APBA2: variants seen among roughly 807,000 people sequenced by gnomAD.
The protein encoded by APBA2 is amyloid-beta A4 precursor protein-binding family A member 2.
In APBA2, 30 loss-of-function variants were observed where a neutral mutation model predicts 75.0. The observed-to-expected ratio is 0.40, with a 90% CI of 0.30 to 0.54. The LOEUF is 0.54. APBA2 is among the 20% of genes least tolerant of loss of function. The pLI is 0.49. For synonymous variants in APBA2, 444 were observed against 409.6 expected, an observed-to-expected ratio of 1.08 and a Z score of -1.01; for missense variants, 801 against 1,016.1, an observed-to-expected ratio of 0.79 and a Z score of 2.88.
intron 3 of APBA2, among the ~76,000 whole-genome samples, chr15:29,028,162 C>G (rs1310215107): frequency 2.6e-5 from 4 of 151,830 alleles, no homozygotes; most frequent in Non-Finnish European, 4.4e-5. Context: ...CCCGATCCCA[C>G]CCCTGACAGG....
In APBA2 at chr15:28,942,633, C is replaced by T. The variant is rs899229347; in HGVS notation, c.-95+20884C>T. On this transcript the variant is annotated intron_variant, in intron 2 of 14. Coordinates refer to ENST00000683413, the MANE Select transcript of APBA2 (RefSeq NM_001353788.2). ...CAGACTGCCAGGGTCTTCCTGCCAGCGCGGGATCCCCCACTTTCCATTTCC... is the reference window on the plus strand; with the variant it reads ...CAGACTGCCAGGGTCTTCCTGCCAGTGCGGGATCCCCCACTTTCCATTTCC... Among the ~76,000 whole-genome samples, 6 of 152,308 alleles carry T rather than the reference C, an allele frequency of 3.9e-5. No individual in the cohort carries two copies. The East Asian group carries it at 7.7e-4, about 20-fold the overall frequency.
intron 2 of APBA2, among the ~76,000 whole-genome samples, chr15:28,989,777 C>T (rs1382142334): frequency 3.3e-5 from 5 of 152,168 alleles, no homozygotes; most frequent in African/African-American, 9.7e-5. Flanking sequence ...CTCCGCACTC[C>T]CTGGGGTCAG....
At chr15:29,008,650 A>G (rs982132182) in intron 3 of APBA2, among the ~76,000 whole-genome samples, 2 of 152,198 alleles carry the variant, frequency 1.3e-5, no homozygotes, top group Non-Finnish European at 2.9e-5. Context: ...TCGAGGCTGC[A>G]GTGAGCTGTG....
intron 2 of APBA2, among the ~76,000 whole-genome samples, chr15:28,949,824 GT>G (rs1442958866): frequency 6.6e-6 from 1 of 152,154 alleles, no homozygotes; most frequent in African/African-American, 2.4e-5. Context: ...TTATAAAAAA[GT>G]TGCAAAGACT....
At chr15:29,032,221 C>G (rs1241831721) in intron 3 of APBA2, among the ~76,000 whole-genome samples, 1 of 152,248 alleles carries the variant, frequency 6.6e-6, no homozygotes, top group African/African-American at 2.4e-5. Flanking sequence ...GCTCTGGTGC[C>G]CAGTTGATTT....
intron 12 of APBA2, 88 bp downstream of exon 12, chr15:29,106,907 A>G: frequency 3.1e-6 from 4 of 1,272,478 alleles, no homozygotes; most frequent in Non-Finnish European, 4.5e-6. Context: ...CTTCACTGCA[A>G]TCCCCACTTC....
At chr15:29,072,466 G>T (rs764669455) in intron 4 of APBA2, among the ~76,000 whole-genome samples, 9 of 152,194 alleles carry the variant, frequency 5.9e-5, no homozygotes, top group Non-Finnish European at 1.2e-4. Flanking sequence ...TCCTTTGGAA[G>T]CTTTTGCTTG....
chr15:28,933,229 G>A (rs1035823053), intron 2 of APBA2, among the ~76,000 whole-genome samples: 1 of 152,156 alleles, frequency 6.6e-6, no homozygotes, highest in Non-Finnish European at 1.5e-5. Flanking sequence ...TGAACTTTGG[G>A]GGGGCACATT....
At chr15:29,028,092 C>T (rs1300648622) in intron 3 of APBA2, among the ~76,000 whole-genome samples, 1 of 151,720 alleles carries the variant, frequency 6.6e-6, no homozygotes, top group Non-Finnish European at 1.5e-5. Flanking sequence ...CACCTATCAA[C>T]CCATCACCGA....
chr15:28,901,457 C>T (rs1369950720), intron 1 of APBA2, among the ~76,000 whole-genome samples: 1 of 152,158 alleles, frequency 6.6e-6, no homozygotes. Flanking sequence ...TTCCTATGGG[C>T]CTGTCCTTGC....
chr15:29,053,995 C>T lies in APBA2; in HGVS notation c.111C>T (p.Pro37=). ...CCGAGAGCGAGGACATGGAGCTGCC[C>T]TTGGAGGGCTATGTGCCCGAGGGCC... The part of the protein sequence containing the change: ...QEPESEDMEL[P]LEGYVPEGLE... Residue 37 remains proline (P), a synonymous_variant, in exon 4 of 15, where the codon CCC becomes CCT. Coordinates refer to ENST00000683413, the MANE Select transcript of APBA2 (RefSeq NM_001353788.2). 1 of 1,613,952 alleles carries T rather than the reference C, an allele frequency of 6.2e-7. No individual in the cohort carries two copies. Among genetic ancestry groups the T allele is most frequent in the South Asian group, 1.1e-5 (1 of 91,068 alleles).
chr15:29,117,925 G>GATC lies in APBA2; in HGVS notation c.*793_*795dup, dbSNP rs2045309746. ...AGGTGTCTGCCCCCTCTTTAAAATC[G>GATC]ATCTACACACATCCACGCACATGCG... On this transcript the variant is annotated 3_prime_UTR_variant, in exon 15 of 15. Coordinates refer to ENST00000683413, the MANE Select transcript of APBA2 (RefSeq NM_001353788.2). The GATC allele has an allele frequency of 6.7e-6, 1 of 149,156 alleles. No individual in the cohort carries two copies. The highest frequency in any genetic ancestry group is 6.7e-5 in the Admixed American group (1 of 14,980). 9.2% of individuals were successfully genotyped at this position (149,156 alleles called of 1,614,324 possible).
At chr15:28,990,976 A>G (rs993900495) in intron 2 of APBA2, among the ~76,000 whole-genome samples, 1 of 152,220 alleles carries the variant, frequency 6.6e-6, no homozygotes, top group African/African-American at 2.4e-5. Flanking sequence ...ATTTGCACAA[A>G]TGAGAGTCTT....
Position 29,106,803 on chromosome 15 carries a change from G to C in APBA2, c.1901G>C (p.Cys634Ser), listed in dbSNP as rs1158361250. 1 of 1,612,870 alleles carries C rather than the reference G, an allele frequency of 6.2e-7. No individual in the cohort carries two copies. The highest frequency in any genetic ancestry group is 1.3e-5 in the African/African-American group (1 of 75,046). Residue 634 changes from cysteine to serine, a missense_variant, in exon 12 of 15, where the codon TGC (cysteine) becomes TCC (serine). This residue lies in a region of APBA2 where 367 missense variants were observed against 544.5 expected (regional missense o/e 0.67). Transcript: ENST00000683413. ...TSLVGLPLAT[C>S]QGIIKGLKNQ... ...CTGGTGGGGCTGCCCCTCGCCACCTGCCAAGGCATCATCAAGGTAGGCACC... is the reference window on the plus strand; with the variant it reads ...CTGGTGGGGCTGCCCCTCGCCACCTCCCAAGGCATCATCAAGGTAGGCACC...
intron 3 of APBA2, among the ~76,000 whole-genome samples, chr15:29,019,053 T>A (rs2039817846): frequency 2.0e-5 from 3 of 152,144 alleles, no homozygotes; most frequent in Admixed American, 1.3e-4. Flanking sequence ...GCTGTAGGGA[T>A]CAGGTTTGCC....
chr15:28,968,029 A>G (rs920056674), intron 2 of APBA2, among the ~76,000 whole-genome samples: 1 of 152,254 alleles, frequency 6.6e-6, no homozygotes, highest in African/African-American at 2.4e-5. Flanking sequence ...TACCTCACGT[A>G]AGTGGAATCC....
chr15:28,951,659 A>G (rs1416506714), intron 2 of APBA2, among the ~76,000 whole-genome samples: 1 of 151,906 alleles, frequency 6.6e-6, no homozygotes, highest in East Asian at 1.9e-4. Flanking sequence ...ATCTCCACTC[A>G]CTGCAACCTC....
chr15:29,079,355 C>A (rs186089315), intron 6 of APBA2, among the ~76,000 whole-genome samples: 1 of 152,136 alleles, frequency 6.6e-6, no homozygotes, highest in Non-Finnish European at 1.5e-5. Context: ...GGCAAACTGG[C>A]GTCTGTCTTG....
At chr15:28,960,462 CAA>C (rs112383004) in intron 2 of APBA2, among the ~76,000 whole-genome samples, 2,438 of 135,492 alleles carry the variant, frequency 0.018, 73 homozygotes, top group African/African-American at 0.06. Context: ...GACCTTGTCT[CAA>C]AAAAAAAAAA....
Sources: allele counts gnomAD v4.1 joint callset (sites outside exome capture counted in the v4.1 genomes callset), GRCh38; gene constraint gnomAD v4.1.1; regional missense constraint gnomAD v4.1.1; transcripts MANE v1.5; gene names NCBI Gene and HGNC (gene_info 2026-07-23, HGNC 2026-07-21).